Variants in VAC14 observed in about 807,000 individuals in gnomAD.
VAC14 encodes the protein VAC14 component of PIKFYVE complex, also known as protein VAC14 homolog.
Under a neutral mutation model 85.3 loss-of-function variants are expected in VAC14, and 47 were observed. The ratio of observed to expected loss-of-function variants is 0.55; its 90% CI spans 0.44 to 0.70. VAC14 has a LOEUF of 0.70. Among genes scored for constraint, VAC14 ranks in the 30% least tolerant of loss-of-function variants. VAC14 has a pLI of 0.00. For synonymous variants in VAC14, 447 were observed against 430.5 expected, an observed-to-expected ratio of 1.04 and a Z score of -0.47; for missense variants, 861 against 1,004.3, an observed-to-expected ratio of 0.86 and a Z score of 1.93.
intron 4 of VAC14, 30 bp from the exon 5 acceptor site, chr16:70,784,250 G>C (rs768413443): frequency 1.3e-6 from 2 of 1,596,648 alleles, no homozygotes; most frequent in East Asian, 2.2e-5. Context: ...GAGCTGCCGA[G>C]AGCCCGAGAC....
intron 9 of VAC14, among the ~76,000 whole-genome samples, chr16:70,776,003 G>A (rs889548608): frequency 6.6e-6 from 1 of 152,212 alleles, no homozygotes; most frequent in Non-Finnish European, 1.5e-5. Context: ...CCTGTACAAT[G>A]GGGGTAATGA....
At chr16:70,698,571 C>A (rs1388765864) in intron 15 of VAC14, 66 bp downstream of exon 15, 1 of 1,589,200 alleles carries the variant, frequency 6.3e-7, no homozygotes, top group Non-Finnish European at 8.6e-7. Context: ...GAGGGGCGGG[C>A]TCACACAGGG....
At chr16:70,800,750 A>G in intron 1 of VAC14, 47 bp downstream of exon 1, 1 of 1,520,726 alleles carries the variant, frequency 6.6e-7, no homozygotes. Context: ...TGGGGAGCAG[A>G]GCAGTCAGGG....
At chr16:70,741,963 A>C (rs372729850) in intron 13 of VAC14, among the ~76,000 whole-genome samples, 1 of 152,128 alleles carries the variant, frequency 6.6e-6, no homozygotes, top group Admixed American at 6.5e-5. Context: ...CTGCTCCCCC[A>C]TGGCACACGT....
chr16:70,696,680 T>G (rs1278332914), intron 16 of VAC14, among the ~76,000 whole-genome samples: 1 of 152,208 alleles, frequency 6.6e-6, no homozygotes, highest in Non-Finnish European at 1.5e-5. Flanking sequence ...ACGCCTGGGC[T>G]GAAGCCTGCA....
intron 17 of VAC14, among the ~76,000 whole-genome samples, chr16:70,694,817 A>G (rs1278712725): frequency 6.6e-6 from 1 of 152,248 alleles, no homozygotes; most frequent in Non-Finnish European, 1.5e-5. Flanking sequence ...ACTGGCTCCC[A>G]GCAAATGCCA....
chr16:70,756,099 C>T (rs1255979040), intron 12 of VAC14: 3 of 456,658 alleles, frequency 6.6e-6, no homozygotes, highest in Non-Finnish European at 1.3e-5. Flanking sequence ...TAAGGGAGTA[C>T]ATCTGTGGAC....
At position 70,784,119 on chromosome 16, in the gene VAC14, G is replaced by T. The variant is rs1386395911; in HGVS notation, c.588C>A (p.Ile196=). ...GTGTCCGGCCAGGCCTTACCCAGGAGATGATGAACTGCCGGGCATACTGGT... is the reference window on the plus strand; with the variant it reads ...GTGTCCGGCCAGGCCTTACCCAGGATATGATGAACTGCCGGGCATACTGGT... ...SNNQYARQFI[I]SWILVLESVP... Residue 196 remains isoleucine (I), a synonymous_variant, in exon 5 of 19, where the codon ATC becomes ATA. Coordinates refer to ENST00000261776, the MANE Select transcript of VAC14 (RefSeq NM_018052.5). The T allele has an allele frequency of 6.2e-7, 1 of 1,614,040 alleles. No homozygotes were observed. The highest frequency in any genetic ancestry group is 8.5e-7 in the Non-Finnish European group (1 of 1,179,860).
intron 3 of VAC14, 73 bp from the exon 4 acceptor site, chr16:70,784,911 G>T: frequency 7.4e-7 from 1 of 1,357,960 alleles, no homozygotes. Flanking sequence ...GGGATTTCCT[G>T]CAAATCCGCA....
chr16:70,691,190 C>T, intron 18 of VAC14: 1 of 985,566 alleles, frequency 1.0e-6, no homozygotes. Context: ...AGTCTGACTG[C>T]TCTGAGCCTC....
At chr16:70,750,848 T>C (rs1037366599) in intron 12 of VAC14, among the ~76,000 whole-genome samples, 1 of 152,012 alleles carries the variant, frequency 6.6e-6, no homozygotes, top group African/African-American at 2.4e-5. Flanking sequence ...CTCCCAGCTC[T>C]CACTCTCCCC....
At chr16:70,691,104 C>T (rs2053587060) in intron 18 of VAC14, 1 of 985,408 alleles carries the variant, frequency 1.0e-6, no homozygotes, top group Non-Finnish European at 1.2e-6. Context: ...ACTTCCCTGA[C>T]TGACCGTGGG....
At chr16:70,723,980 C>A (rs1206457035) in intron 14 of VAC14, among the ~76,000 whole-genome samples, 5 of 152,060 alleles carry the variant, frequency 3.3e-5, no homozygotes, top group Non-Finnish European at 7.4e-5. Flanking sequence ...CAGGGGTCAC[C>A]CTGAAGGACA....
At chr16:70,708,027 G>A (rs1238792333) in intron 14 of VAC14, among the ~76,000 whole-genome samples, 2 of 152,274 alleles carry the variant, frequency 1.3e-5, no homozygotes, top group South Asian at 2.1e-4. Context: ...CTGACCTCAG[G>A]TGATCTGCCG....
chr16:70,746,338 A>G (rs556712294), intron 12 of VAC14, among the ~76,000 whole-genome samples: 1 of 152,246 alleles, frequency 6.6e-6, no homozygotes, highest in Admixed American at 6.5e-5. Flanking sequence ...CTACTGTCCA[A>G]TTCTGTCCTT....
At chr16:70,721,427 C>T (rs889453665) in intron 14 of VAC14, among the ~76,000 whole-genome samples, 26 of 149,750 alleles carry the variant, frequency 1.7e-4, no homozygotes, top group African/African-American at 4.9e-4. Context: ...AGGATGAGGA[C>T]GAGAAAGACG....
At chr16:70,711,419 C>T (rs1480541176) in intron 14 of VAC14, among the ~76,000 whole-genome samples, 1 of 152,100 alleles carries the variant, frequency 6.6e-6, no homozygotes, top group Non-Finnish European at 1.5e-5. Flanking sequence ...GAGGCCCCAC[C>T]CCCACCTGTG....
intron 14 of VAC14, among the ~76,000 whole-genome samples, chr16:70,710,549 T>C (rs538180431): frequency 6.6e-6 from 1 of 152,354 alleles, no homozygotes; most frequent in African/African-American, 2.4e-5. Context: ...CTTGCCCGTG[T>C]TCTGATCACC....
intron 14 of VAC14, among the ~76,000 whole-genome samples, chr16:70,725,747 T>C (rs1472741591): frequency 2.0e-5 from 3 of 152,182 alleles, no homozygotes; most frequent in Non-Finnish European, 4.4e-5. Flanking sequence ...AGAAGTCCCA[T>C]GACTGCTTCC....
Sources: gnomAD v4.1 joint callset for allele counts (sites outside exome capture counted in the v4.1 genomes callset) on GRCh38, gnomAD v4.1.1 for gene constraint, MANE v1.5 for transcripts, NCBI Gene and HGNC (gene_info 2026-07-23, HGNC 2026-07-21) for gene names.